Variants in SCARA5 observed in about 807,000 individuals in gnomAD.
The protein encoded by SCARA5 is scavenger receptor class A member 5, also known as scavenger receptor class A, member 5 (putative).
In SCARA5, 45 loss-of-function variants were observed where a neutral mutation model predicts 46.3. That is an observed-to-expected ratio of 0.97 (90% confidence interval 0.76 to 1.24). The LOEUF is 1.24. Ranked by LOEUF, SCARA5 falls within the 50% of genes most tolerant of loss-of-function variation. SCARA5 has a pLI of 0.00. For missense variants in SCARA5, 680 were observed against 689.0 expected, an observed-to-expected ratio of 0.99 and a Z score of 0.15; for synonymous variants, 333 against 306.5, an observed-to-expected ratio of 1.09 and a Z score of -0.90.
At chr8:27,924,562 C>T (rs575591104) in intron 3 of SCARA5, among the ~76,000 whole-genome samples, 3 of 152,344 alleles carry the variant, frequency 2.0e-5, no homozygotes, top group African/African-American at 4.8e-5. Context: ...GGTCACATTG[C>T]AAAAGGGTCC....
At chr8:27,977,804 C>G (rs1808549471) in intron 2 of SCARA5, among the ~76,000 whole-genome samples, 1 of 152,248 alleles carries the variant, frequency 6.6e-6, no homozygotes, top group African/African-American at 2.4e-5. Context: ...CCTCCCTGGC[C>G]TGGGCCATTT....
At chr8:27,932,823 G>T (rs986060382) in intron 3 of SCARA5, among the ~76,000 whole-genome samples, 5 of 152,188 alleles carry the variant, frequency 3.3e-5, no homozygotes, top group Non-Finnish European at 7.3e-5. Context: ...TAGAGACAGG[G>T]TTTCATCATA....
rs1179572902 is a variant in SCARA5 at position 27,921,647 on chromosome 8, G to A, written c.840C>T (p.Leu280=). The change falls in exon 4 of 9, where the codon CTC becomes CTT. Residue 280 remains leucine, a synonymous_variant. Coordinates refer to ENST00000354914, the MANE Select transcript of SCARA5 (RefSeq NM_173833.6). Reference sequence around the variant, plus strand: ...GGCGCAGGTCCTCGGTGACCGCGTTGAGCATGGCCAGCTCCTGCTTCAGCT... The same window carrying A: ...GGCGCAGGTCCTCGGTGACCGCGTTAAGCATGGCCAGCTCCTGCTTCAGCT... ...ELQLKQELAM[L]NAVTEDLRLK... 5 of 1,608,042 alleles carry A rather than the reference G, an allele frequency of 3.1e-6. No individual in the cohort carries two copies. The highest frequency in any genetic ancestry group is 1.3e-5 in the African/African-American group (1 of 74,642).
intron 3 of SCARA5, among the ~76,000 whole-genome samples, chr8:27,957,472 C>T (rs1252176035): frequency 3.3e-5 from 5 of 152,186 alleles, no homozygotes; most frequent in Non-Finnish European, 2.9e-5. Context: ...CAGATGAGGA[C>T]ATTAAGGATC....
rs111514799 is a variant in SCARA5, at chr8:27,960,037, G to A, written c.241+6377C>T. ...ATTGGAAACATGTGCATATGGACAC[G>A]TACTGCACTGAGCCTAGTTCTGTTT... On this transcript the variant is annotated intron_variant, in intron 3 of 8. Coordinates refer to ENST00000354914, the MANE Select transcript of SCARA5 (RefSeq NM_173833.6). Among the ~76,000 whole-genome samples, 994 of 152,334 alleles carry A rather than the reference G, an allele frequency of 6.5e-3. 8 individuals are homozygous for A. The highest frequency in any genetic ancestry group is 0.023 in the African/African-American group (948 of 41,572).
intron 4 of SCARA5, among the ~76,000 whole-genome samples, chr8:27,915,449 CT>C (rs1351469752): frequency 6.6e-6 from 1 of 152,178 alleles, no homozygotes; most frequent in Non-Finnish European, 1.5e-5. Context: ...CCAGGCCATG[CT>C]CCTCAGCCCT....
chr8:27,896,641 C>T (rs1807068206), intron 7 of SCARA5, among the ~76,000 whole-genome samples: 1 of 152,080 alleles, frequency 6.6e-6, no homozygotes, highest in South Asian at 2.1e-4. Context: ...GTGGGGGACC[C>T]AGGCACCATG....
chr8:27,892,436 C>T (rs937942918), intron 7 of SCARA5, among the ~76,000 whole-genome samples: 2 of 152,150 alleles, frequency 1.3e-5, no homozygotes, highest in African/African-American at 4.8e-5. Context: ...TGATCAGCTA[C>T]TTGCCTCTGT....
intron 8 of SCARA5, among the ~76,000 whole-genome samples, chr8:27,876,936 G>C (rs1375875607): frequency 1.3e-5 from 2 of 152,106 alleles, no homozygotes; most frequent in African/African-American, 2.4e-5. Flanking sequence ...TGGCAGGGTG[G>C]CTCTGCCTGC....
At chr8:27,928,247 G>A (rs1807712763) in intron 3 of SCARA5, among the ~76,000 whole-genome samples, 1 of 152,118 alleles carries the variant, frequency 6.6e-6, no homozygotes, top group Non-Finnish European at 1.5e-5. Flanking sequence ...CTTAATTCAT[G>A]TTTATGCAAA....
At chr8:27,898,729 A>T (rs1274430643) in intron 7 of SCARA5, among the ~76,000 whole-genome samples, 1 of 152,218 alleles carries the variant, frequency 6.6e-6, no homozygotes, top group Non-Finnish European at 1.5e-5. Flanking sequence ...TGTCAGGGAA[A>T]TCAACCACGT....
chr8:27,917,805 C>G (rs1807486456), intron 4 of SCARA5, among the ~76,000 whole-genome samples: 1 of 152,158 alleles, frequency 6.6e-6, no homozygotes, highest in South Asian at 2.1e-4. Flanking sequence ...GAACACTAAT[C>G]CCTGCTAGGG....
Position 27,982,776 on chromosome 8 carries a change from G to A in SCARA5, c.112+4728C>T, listed in dbSNP as rs568167945. 2.0e-5 allele frequency among the ~76,000 whole-genome samples: 3 copies of A among 152,298 alleles called. No individual in the cohort carries two copies. In the South Asian group the frequency reaches 6.2e-4, roughly 32 times the overall value. On this transcript the variant is annotated intron_variant, in intron 2 of 8. Transcript: ENST00000354914. ...GGACAGGACGAGCTGGAGGAGCTGGGCAAGATGGCTGCTCAGGGAGGGGAC... is the reference window on the plus strand; with the variant it reads ...GGACAGGACGAGCTGGAGGAGCTGGACAAGATGGCTGCTCAGGGAGGGGAC...
chr8:27,962,640 C>A (rs1013470969), intron 3 of SCARA5, among the ~76,000 whole-genome samples: 1 of 152,036 alleles, frequency 6.6e-6, no homozygotes, highest in African/African-American at 2.4e-5. Flanking sequence ...ACAAGGTGAT[C>A]CAAAAAAGGG....
At chr8:27,892,389 G>A (rs570744886) in intron 7 of SCARA5, among the ~76,000 whole-genome samples, 1 of 152,306 alleles carries the variant, frequency 6.6e-6, no homozygotes, top group East Asian at 1.9e-4. Context: ...AAAGCCTGAA[G>A]AGGGCACCTG....
At chr8:27,921,054 G>A (rs141845946) in intron 4 of SCARA5, among the ~76,000 whole-genome samples, 55 of 152,218 alleles carry the variant, frequency 3.6e-4, no homozygotes, top group African/African-American at 1.2e-3. Context: ...CCAGCTGATC[G>A]TTCAATGAAA....
chr8:27,905,206 A>T (rs112186427), intron 6 of SCARA5, among the ~76,000 whole-genome samples: 7 of 151,706 alleles, frequency 4.6e-5, no homozygotes, highest in African/African-American at 1.7e-4. Flanking sequence ...TTAGTTAAAT[A>T]GGGGGAGAGG....
At chr8:27,926,045 C>A (rs1370400889) in intron 3 of SCARA5, among the ~76,000 whole-genome samples, 1 of 152,150 alleles carries the variant, frequency 6.6e-6, no homozygotes, top group African/African-American at 2.4e-5. Context: ...GTGTGGCTAT[C>A]CCTCAAGGAT....
At chr8:27,952,215 T>C (rs1585510033) in intron 3 of SCARA5, among the ~76,000 whole-genome samples, 2 of 151,840 alleles carry the variant, frequency 1.3e-5, no homozygotes. Flanking sequence ...CTGGAAGAGG[T>C]AAAGAAGGAT....
Sources: allele counts gnomAD v4.1 joint callset (sites outside exome capture counted in the v4.1 genomes callset), GRCh38; gene constraint gnomAD v4.1.1; transcripts MANE v1.5; gene names NCBI Gene and HGNC (gene_info 2026-07-23, HGNC 2026-07-21).